ASH1L: variants seen among roughly 807,000 people sequenced by gnomAD.
ASH1L encodes the protein ASH1 like histone lysine methyltransferase.
Under a neutral mutation model 269.0 loss-of-function variants are expected in ASH1L, and 23 were observed. That is an observed-to-expected ratio of 0.09 (90% confidence interval 0.06 to 0.12). The LOEUF (loss-of-function observed/expected upper bound fraction) is 0.12. Ranked by LOEUF, ASH1L falls within the 10% of genes least tolerant of loss-of-function variation. The probability of loss-of-function intolerance (pLI) is 1.00; values close to 1 mark genes in which losing one functional copy is unlikely to be tolerated. For missense variants in ASH1L, 2,912 were observed against 3,567.8 expected, an observed-to-expected ratio of 0.82 and a Z score of 4.68; for synonymous variants, 1,187 against 1,253.5, an observed-to-expected ratio of 0.95 and a Z score of 1.12.
chr1:155,477,794 T>A (rs1185860041), intron 3 of ASH1L, 92 bp downstream of exon 3: 2 of 1,229,000 alleles, frequency 1.6e-6, no homozygotes, highest in South Asian at 2.2e-5. Flanking sequence ...AAAAAAGATA[T>A]ATATATTAAA....
Position 155,521,385 on chromosome 1 carries a change from C to T in ASH1L, c.135G>A (p.Glu45=), listed in dbSNP as rs1332877731. The T allele has an allele frequency of 1.9e-6, 3 of 1,614,148 alleles. No homozygotes were observed. Among genetic ancestry groups the T allele is most frequent in the Admixed American group, 3.3e-5 (2 of 60,014 alleles). The change falls in exon 2 of 28, where the codon GAG becomes GAA. Residue 45 remains glutamate (E), a synonymous_variant. Coordinates refer to ENST00000392403, the MANE Select transcript of ASH1L (RefSeq NM_018489.3). ...GATTCCGTTTGCGAAGGTCCTCTTC[C>T]TCCTTTGTGTTTTTTTCTAGCTCTA... ...REVELEKNTK[E]EEDLRKRNRE...
intron 12 of ASH1L, among the ~76,000 whole-genome samples, chr1:155,362,187 A>AC (rs1412533912): frequency 6.6e-6 from 1 of 151,960 alleles, no homozygotes; most frequent in Non-Finnish European, 1.5e-5. Context: ...GGCACGTGCC[A>AC]CCACGCCCAG....
chr1:155,527,788 C>T (rs1244338467), intron 1 of ASH1L, among the ~76,000 whole-genome samples: 1 of 152,020 alleles, frequency 6.6e-6, no homozygotes, highest in Non-Finnish European at 1.5e-5. Flanking sequence ...TCAAGCAATC[C>T]TCCGACCTCA....
At position 155,480,679 on chromosome 1, in the gene ASH1L, G is replaced by A; in HGVS notation, c.2191C>T (p.Pro731Ser). The change falls in exon 3 of 28, where the codon CCA (proline) becomes TCA (serine). Residue 731 changes from proline to serine, a missense_variant. Transcript: ENST00000392403. Reference sequence around the variant, plus strand: ...GATCTTTCTAATTCTAGCCCTTTTGGAGACCGGCATGTGCTTCTTGCCACC... The same window carrying A: ...GATCTTTCTAATTCTAGCCCTTTTGAAGACCGGCATGTGCTTCTTGCCACC... ...KVVARSTCRSPKGLELERSEL... is the reference protein window; with the variant it reads ...KVVARSTCRSSKGLELERSEL... The A allele has an allele frequency of 3.7e-6, 6 of 1,613,706 alleles. No homozygotes were observed. Among genetic ancestry groups the A allele is most frequent in the Non-Finnish European group, 5.1e-6 (6 of 1,179,946 alleles).
At chr1:155,463,651 G>A (rs1664464709) in intron 3 of ASH1L, among the ~76,000 whole-genome samples, 2 of 152,150 alleles carry the variant, frequency 1.3e-5, no homozygotes, top group South Asian at 4.2e-4. Context: ...AAAATTAGCT[G>A]GGCATAGTGG....
At chr1:155,540,365 C>T (rs1300125231) in intron 1 of ASH1L, among the ~76,000 whole-genome samples, 3 of 152,194 alleles carry the variant, frequency 2.0e-5, no homozygotes, top group Non-Finnish European at 4.4e-5. Context: ...CAGCACTTCA[C>T]AGTATCACTG....
rs1170175343 is a variant in ASH1L, at chr1:155,526,486, A to AT, written c.-99-4869dup. Among the ~76,000 whole-genome samples, 4 of 152,336 alleles carry AT rather than the reference A, an allele frequency of 2.6e-5. No homozygotes were observed. The East Asian group carries it at 7.7e-4, about 29-fold the overall frequency. On this transcript the variant is annotated intron_variant, in intron 1 of 27. Coordinates refer to ENST00000392403, the MANE Select transcript of ASH1L (RefSeq NM_018489.3). ...CATCACAGCTAGTCTAAGAAAAACAATAACACTCAATGATCTCATTTTATA... is the reference window on the plus strand; with the variant it reads ...CATCACAGCTAGTCTAAGAAAAACAATTAACACTCAATGATCTCATTTTATA...
chr1:155,481,098 A>C lies in ASH1L; in HGVS notation c.1772T>G (p.Leu591Arg). ...AACAGATTCAGAAATTTCTTCGATT[A>C]GTTCTGTAGTAGAACTTAAAAGTAA... ...NPLLLSSTTE[L>R]IEEISESVGK... Residue 591 changes from leucine to arginine, a missense_variant, in exon 3 of 28, where the codon CTA becomes CGA. Physicochemically the swap from Leu to Arg is moderately radical, Grantham distance 102. Transcript: ENST00000392403. The C allele has an allele frequency of 6.2e-7, 1 of 1,614,128 alleles. No homozygotes were observed. Among genetic ancestry groups the C allele is most frequent in the Non-Finnish European group, 8.5e-7 (1 of 1,179,986 alleles).
chr1:155,375,751 T>C (rs1418261015), intron 10 of ASH1L, among the ~76,000 whole-genome samples: 1 of 151,940 alleles, frequency 6.6e-6, no homozygotes, highest in African/African-American at 2.4e-5. Flanking sequence ...TGAGCTGAGA[T>C]TGTGCCATTG....
chr1:155,424,596 G>A (rs918635735), intron 5 of ASH1L, among the ~76,000 whole-genome samples: 1 of 151,776 alleles, frequency 6.6e-6, no homozygotes, highest in African/African-American at 2.4e-5. Context: ...TAGTAGAGAC[G>A]GGGTTTCTCC....
rs998928368 is a variant in ASH1L at position 155,346,033 on chromosome 1, CG to C, written c.7890+349del. ...TATTTTAGTAGAGATGGGGTTTCAC[CG>C]TGTTGCCCAGGCTGGTCTCGAACTC... On this transcript the variant is annotated intron_variant, in intron 21 of 27. Coordinates refer to ENST00000392403, the MANE Select transcript of ASH1L (RefSeq NM_018489.3). 5 of 517,570 alleles carry C rather than the reference CG, an allele frequency of 9.7e-6. No individual in the cohort carries two copies. In the African/African-American group the frequency reaches 1.0e-4, roughly 10 times the overall value. The allele number at this position is 517,570 out of a possible 1,614,324, so 32.1% of individuals were successfully genotyped here.
intron 2 of ASH1L, among the ~76,000 whole-genome samples, chr1:155,517,356 C>T (rs866605887): frequency 2.6e-5 from 4 of 152,012 alleles, no homozygotes; most frequent in Non-Finnish European, 4.4e-5. Context: ...AGGAAGGGCA[C>T]GGTGGCTCAC....
At chr1:155,402,315 T>A (rs1658925412) in intron 6 of ASH1L, among the ~76,000 whole-genome samples, 2 of 152,204 alleles carry the variant, frequency 1.3e-5, no homozygotes, top group South Asian at 4.1e-4. Context: ...CATTTTTTCA[T>A]AATGTCACCT....
intron 1 of ASH1L, among the ~76,000 whole-genome samples, chr1:155,556,288 C>T (rs1201866433): frequency 6.6e-6 from 1 of 152,050 alleles, no homozygotes; most frequent in East Asian, 1.9e-4. Flanking sequence ...GTCCCAAACA[C>T]TTGAGTGGCT....
chr1:155,501,364 C>T (rs1000786994), intron 2 of ASH1L, among the ~76,000 whole-genome samples: 4 of 152,048 alleles, frequency 2.6e-5, no homozygotes, highest in African/African-American at 9.7e-5. Context: ...ACTAAGATTA[C>T]TTTCAGATGT....
At chr1:155,356,607 C>T (rs905080783) in intron 15 of ASH1L, among the ~76,000 whole-genome samples, 46 of 149,248 alleles carry the variant, frequency 3.1e-4, no homozygotes, top group Admixed American at 4.0e-4. Context: ...TGCACTACTG[C>T]ACTCCAGCCT....
intron 21 of ASH1L, chr1:155,345,924 C>T (rs1361903691): frequency 1.9e-5 from 6 of 324,236 alleles, no homozygotes; most frequent in Admixed American, 4.5e-5. Context: ...ATCTGCCTCC[C>T]GGGTTCTAGC....
chr1:155,365,350 T>C (rs2148399420), intron 12 of ASH1L, among the ~76,000 whole-genome samples: 1 of 151,230 alleles, frequency 6.6e-6, no homozygotes, highest in Non-Finnish European at 1.5e-5. Context: ...GGACTACAGG[T>C]GTATGCCACT....
Position 155,481,523 on chromosome 1 carries a change from A to C in ASH1L, c.1347T>G (p.Ser449Arg). ...CTTTCAGGGATTCAGAAAGTTCCTG[A>C]CTTTCCTGATTATTGATGTTTGTAC... ...SCSTNINNQESQELSESLKDS... is the reference protein window; with the variant it reads ...SCSTNINNQERQELSESLKDS... The change falls in exon 3 of 28, where the codon AGT becomes AGG. Residue 449 changes from serine to arginine, a missense_variant. Transcript: ENST00000392403. 6.2e-7 allele frequency: 1 copy of C among 1,614,098 alleles called. No individual in the cohort carries two copies. Among genetic ancestry groups the C allele is most frequent in the Non-Finnish European group, 8.5e-7 (1 of 1,180,000 alleles).
Sources: gnomAD v4.1 joint callset for allele counts (sites outside exome capture counted in the v4.1 genomes callset) on GRCh38, gnomAD v4.1.1 for gene constraint, MANE v1.5 for transcripts, NCBI Gene and HGNC (gene_info 2026-07-23, HGNC 2026-07-21) for gene names.